The following ZNF124 variants were observed in gnomAD, a reference collection of about 807,000 sequenced individuals.
ZNF124 encodes the protein zinc finger protein HZF-16.
ZNF124 carries 25 observed loss-of-function variants against 26.6 expected under a neutral mutation model. The observed-to-expected ratio is 0.94, with a 90% CI of 0.68 to 1.31. The LOEUF is 1.31. ZNF124 is among the 40% of genes most tolerant of loss of function. The probability of loss-of-function intolerance (pLI) is 0.00; values close to 1 mark genes in which losing one functional copy is unlikely to be tolerated. For missense variants in ZNF124, 444 were observed against 422.2 expected, an observed-to-expected ratio of 1.05 and a Z score of -0.45; for synonymous variants, 129 against 133.3, an observed-to-expected ratio of 0.97 and a Z score of 0.22.
downstream of ZNF124, among the ~76,000 whole-genome samples, chr1:247,151,218 G>A (rs955104438): frequency 4.6e-5 from 7 of 152,072 alleles, no homozygotes; most frequent in East Asian, 1.9e-4. Flanking sequence ...GGTGGCTCAC[G>A]CCTGTAATCC....
At chr1:247,172,332 T>A (rs1572109526), upstream of ZNF124, among the ~76,000 whole-genome samples, 4 of 152,108 alleles carry the variant, frequency 2.6e-5, no homozygotes, top group African/African-American at 7.2e-5. Flanking sequence ...TAATAATAAT[T>A]CTTTTAAAAT....
intron 3 of ZNF124, chr1:247,138,835 G>A: frequency 2.5e-6 from 1 of 398,184 alleles, no homozygotes; most frequent in East Asian, 3.6e-5. Context: ...CAAATAACTG[G>A]AAATGTCAAG....
At chr1:247,160,830 G>A (rs940235048) in intron 1 of ZNF124, among the ~76,000 whole-genome samples, 7 of 152,174 alleles carry the variant, frequency 4.6e-5, no homozygotes, top group African/African-American at 1.7e-4. Context: ...GAGAAAATGT[G>A]TAGAAGCTTA....
chr1:247,163,694 T>C (rs1364115125), intron 1 of ZNF124, among the ~76,000 whole-genome samples: 1 of 152,142 alleles, frequency 6.6e-6, no homozygotes, highest in Admixed American at 6.5e-5. Flanking sequence ...ACAGCTAAAT[T>C]CTACCAGATG....
rs1673056911 is a variant in ZNF124, at chr1:247,155,170, G to A, written c.*1396C>T. Among the ~76,000 whole-genome samples, 1 of 152,086 alleles carries A rather than the reference G, an allele frequency of 6.6e-6. No individual in the cohort carries two copies. Among genetic ancestry groups the A allele is most frequent in the South Asian group, 2.1e-4 (1 of 4,820 alleles). On this transcript the variant is annotated 3_prime_UTR_variant, in exon 4 of 4. Transcript: ENST00000543802. ...AATGACAATGTAAAGAACAACAGAT[G>A]AAAATAATAATTCACGTGAGAATAT...
chr1:247,170,601 C>G (rs1674052854), intron 1 of ZNF124, among the ~76,000 whole-genome samples: 1 of 144,204 alleles, frequency 6.9e-6, no homozygotes, highest in Admixed American at 6.7e-5. Context: ...CTTCATTCTG[C>G]CGGAAGCTTT....
At chr1:247,123,195 T>C (rs1328260416) in exon 4 of ZNF124, 1 of 152,284 alleles carries the variant, frequency 6.6e-6, no homozygotes, top group Non-Finnish European at 1.5e-5. Context: ...ACACATATTA[T>C]GTTCTTTTTT....
chr1:247,141,043 G>C (rs1672613358), intron 3 of ZNF124, among the ~76,000 whole-genome samples: 1 of 152,104 alleles, frequency 6.6e-6, no homozygotes, highest in South Asian at 2.1e-4. Context: ...AAGGTCTTTT[G>C]CTTGTCTCCT....
At chr1:247,143,043 A>G (rs944294582) in intron 3 of ZNF124, among the ~76,000 whole-genome samples, 5 of 152,132 alleles carry the variant, frequency 3.3e-5, no homozygotes, top group Non-Finnish European at 7.3e-5. Context: ...CATTTTATCC[A>G]TAAAGAATCT....
At chr1:247,150,518 GT>G (rs2103112697), downstream of ZNF124, among the ~76,000 whole-genome samples, 1 of 152,028 alleles carries the variant, frequency 6.6e-6, no homozygotes, top group Admixed American at 6.6e-5. Flanking sequence ...AAAATTACTA[GT>G]CATAAATCTC....
intron 3 of ZNF124, among the ~76,000 whole-genome samples, chr1:247,143,106 G>A (rs1272254934): frequency 6.6e-6 from 1 of 151,968 alleles, no homozygotes; most frequent in Non-Finnish European, 1.5e-5. Context: ...TCTCCATCCT[G>A]ACCTCCCCAG....
chr1:247,139,563 T>A (rs760143219), intron 3 of ZNF124, among the ~76,000 whole-genome samples: 2 of 152,230 alleles, frequency 1.3e-5, no homozygotes, highest in Non-Finnish European at 2.9e-5. Flanking sequence ...TTATGCTGAC[T>A]TGTTTGTGTG....
downstream of ZNF124, among the ~76,000 whole-genome samples, chr1:247,152,562 G>GATAT (rs1437556345): frequency 6.6e-6 from 1 of 152,050 alleles, no homozygotes; most frequent in Non-Finnish European, 1.5e-5. Context: ...CTAGTACAGT[G>GATAT]ATATGTTAAA....
intron 3 of ZNF124, among the ~76,000 whole-genome samples, chr1:247,147,210 T>C (rs1365639403): frequency 2.0e-5 from 3 of 151,538 alleles, no homozygotes; most frequent in Non-Finnish European, 1.5e-5. Context: ...CAAGGATTTC[T>C]GTTAGTCATT....
rs756357596 is a variant in ZNF124, at chr1:247,156,712, A to T, written c.910T>A (p.Ser304Thr). Residue 304 changes from serine (S) to threonine (T), a missense_variant, in exon 4 of 4, where the codon TCC (serine) becomes ACC (threonine). By Grantham distance (58) the Ser-to-Thr change is moderately conservative. Transcript: ENST00000543802. ...NCGKGFRCSS[S>T]LRDHERTHTG... ...TGAGTCCTTTCATGGTCACGAAGGG[A>T]ACTGGAACATCTGAAGCCTTTACCA... 6.2e-7 allele frequency: 1 copy of T among 1,611,416 alleles called. No homozygotes were observed. The highest frequency in any genetic ancestry group is 2.2e-5 in the East Asian group (1 of 44,718).
rs61260429 is a variant in ZNF124, at chr1:247,165,053, G to A, written c.31-5240C>T. Among the ~76,000 whole-genome samples, 8 of 151,872 alleles carry A rather than the reference G, an allele frequency of 5.3e-5. No individual in the cohort carries two copies. In the East Asian group the frequency reaches 1.2e-3, roughly 22 times the overall value. On this transcript the variant is annotated intron_variant, in intron 1 of 3. Coordinates refer to ENST00000543802, the MANE Select transcript of ZNF124 (RefSeq NM_001297568.2). ...ACAATCTCGGCTCACTGCAAGCTCC[G>A]CTGCCCCGGTTCATGCCATTCTCCT... is the stretch of plus-strand genomic sequence containing the variant.
chr1:247,152,478 AAT>A (rs1376383859), downstream of ZNF124, among the ~76,000 whole-genome samples: 11 of 152,102 alleles, frequency 7.2e-5, no homozygotes, highest in African/African-American at 1.2e-4. Context: ...TATTCAACAA[AAT>A]AGACTAATTA....
chr1:247,149,987 A>AT (rs1172387222), intron 3 of ZNF124: 3 of 152,202 alleles, frequency 2.0e-5, no homozygotes, highest in Non-Finnish European at 4.4e-5. Flanking sequence ...GAAAGGGCAG[A>AT]ACTCACTCCC....
intron 3 of ZNF124, among the ~76,000 whole-genome samples, chr1:247,143,255 TAA>T (rs901172072): frequency 2.0e-4 from 30 of 152,262 alleles, no homozygotes; most frequent in African/African-American, 7.2e-4. Flanking sequence ...ATAATAATAC[TAA>T]GTTACAATTG....
Sources: allele counts gnomAD v4.1 joint callset (sites outside exome capture counted in the v4.1 genomes callset), GRCh38; gene constraint gnomAD v4.1.1; transcripts MANE v1.5; gene names NCBI Gene and HGNC (gene_info 2026-07-23, HGNC 2026-07-21).